The following ACSS3 variants were observed in gnomAD, a reference collection of about 807,000 sequenced individuals.
The protein encoded by ACSS3 is acyl-CoA synthetase short chain family member 3.
A neutral mutation model predicts 84.2 loss-of-function variants in ACSS3; 64 were observed. The ratio of observed to expected loss-of-function variants is 0.76; its 90% CI spans 0.62 to 0.94. The LOEUF is 0.94. ACSS3 is among the 40% of genes least tolerant of loss of function. ACSS3 has a pLI of 0.00. For synonymous variants in ACSS3, 317 were observed against 310.1 expected (o/e 1.02, Z -0.23); for missense variants, 815 against 867.6 (o/e 0.94, Z 0.76).
intron 11 of ACSS3, among the ~76,000 whole-genome samples, 185 bp downstream of exon 11, chr12:81,220,261 T>G (rs2033057752): frequency 6.6e-6 from 1 of 152,112 alleles, no homozygotes; most frequent in African/African-American, 2.4e-5. Context: ...ACGACCAATT[T>G]AAATGCAATT....
intron 9 of ACSS3, among the ~76,000 whole-genome samples, chr12:81,208,863 C>T (rs939107006): frequency 6.6e-6 from 1 of 152,104 alleles, no homozygotes; most frequent in African/African-American, 2.4e-5. Context: ...ATACATGCTG[C>T]AATTTCTATT....
Position 81,143,233 on chromosome 12 carries a change from A to G in ACSS3, c.907A>G (p.Thr303Ala), listed in dbSNP as rs931947194. Reference protein sequence around the residue: ...PLYILYTSGTTGLPKGVIRPT... With the variant: ...PLYILYTSGTAGLPKGVIRPT... Reference sequence around the variant, plus strand: ...GTATATTCTTTACACATCTGGCACAACGGGGTTACCTAAGGTACTCACTCT... The same window carrying G: ...GTATATTCTTTACACATCTGGCACAGCGGGGTTACCTAAGGTACTCACTCT... The change falls in exon 5 of 16, where the codon ACG becomes GCG. Residue 303 changes from threonine to alanine, a missense_variant. Coordinates refer to ENST00000548058, the MANE Select transcript of ACSS3 (RefSeq NM_024560.4). The G allele has an allele frequency of 1.4e-5, 22 of 1,599,314 alleles. No homozygotes were observed. Among genetic ancestry groups the G allele is most frequent in the Non-Finnish European group, 1.9e-5 (22 of 1,170,086 alleles).
Position 81,256,295 on chromosome 12 carries a change from C to A in ACSS3, c.*1373C>A, listed in dbSNP as rs1200061132. 2.0e-5 allele frequency: 3 copies of A among 152,070 alleles called. No individual in the cohort carries two copies. The highest frequency in any genetic ancestry group is 7.2e-5 in the African/African-American group (3 of 41,412). 9.4% of individuals were successfully genotyped at this position (152,070 alleles called of 1,614,324 possible). A position where few individuals can be genotyped will look rare whatever the true frequency, so the allele number is the denominator to read the frequency against. ...GAAATCTCTAATTTTAAAATAATAA[C>A]TCATTAAAAATATTGTAATGTCCAA... On this transcript the variant is annotated 3_prime_UTR_variant, in exon 16 of 16. Transcript: ENST00000548058.
intron 13 of ACSS3, among the ~76,000 whole-genome samples, chr12:81,249,618 C>A (rs2034089839): frequency 6.6e-6 from 1 of 152,040 alleles, no homozygotes; most frequent in South Asian, 2.1e-4. Flanking sequence ...CTTGCCATTT[C>A]AATTCTACCA....
chr12:81,109,551 A>C lies in ACSS3; in HGVS notation c.312-9A>C. On this transcript the variant is annotated splice_polypyrimidine_tract_variant and intron_variant, in intron 1 of 15. Transcript: ENST00000548058. ...CATCATTCACCTTTACTTTCCAATTATTTTTCAGGTTTGTGGAAGGAATGC... is the reference window on the plus strand; with the variant it reads ...CATCATTCACCTTTACTTTCCAATTCTTTTTCAGGTTTGTGGAAGGAATGC... 6.3e-7 allele frequency: 1 copy of C among 1,599,458 alleles called. No individual in the cohort carries two copies. Among genetic ancestry groups the C allele is most frequent in the Non-Finnish European group, 8.5e-7 (1 of 1,175,204 alleles).
intron 7 of ACSS3, among the ~76,000 whole-genome samples, chr12:81,154,903 C>T (rs969443423): frequency 3.3e-5 from 5 of 151,988 alleles, no homozygotes; most frequent in Non-Finnish European, 5.9e-5. Context: ...TCTTTCCTTT[C>T]TTGGTTAACT....
At chr12:81,232,697 G>A (rs183546594) in intron 12 of ACSS3, among the ~76,000 whole-genome samples, 7 of 151,800 alleles carry the variant, frequency 4.6e-5, no homozygotes, top group Non-Finnish European at 8.9e-5. Flanking sequence ...AAACACAATA[G>A]TGGCTTTCCA....
intron 2 of ACSS3, among the ~76,000 whole-genome samples, chr12:81,128,411 T>C (rs1393209966): frequency 6.6e-6 from 1 of 152,198 alleles, no homozygotes; most frequent in African/African-American, 2.4e-5. Context: ...ATACATTTTT[T>C]CATTTCCTCT....
At chr12:81,155,790 T>C (rs184378221) in intron 7 of ACSS3, among the ~76,000 whole-genome samples, 1 of 152,308 alleles carries the variant, frequency 6.6e-6, no homozygotes, top group Admixed American at 6.5e-5. Context: ...TGCCTATACA[T>C]TCCAGTTACA....
intron 2 of ACSS3, among the ~76,000 whole-genome samples, chr12:81,126,000 AG>A (rs1160709415): frequency 5.9e-5 from 9 of 152,218 alleles, no homozygotes; most frequent in Non-Finnish European, 8.8e-5. Flanking sequence ...GAATGTGGAA[AG>A]CACTTACTTT....
In ACSS3 at chr12:81,255,889, G is replaced by T. The variant is rs1016120384; in HGVS notation, c.*967G>T. ...TTCATGGAGATGAGGGCTCCTGGGA[G>T]CCCCTCTTCATGTCTCAGGTTCTTA... On this transcript the variant is annotated 3_prime_UTR_variant, in exon 16 of 16. Coordinates refer to ENST00000548058, the MANE Select transcript of ACSS3 (RefSeq NM_024560.4). The T allele has an allele frequency of 3.3e-5, 5 of 152,206 alleles. No individual in the cohort carries two copies. The highest frequency in any genetic ancestry group is 5.9e-5 in the Non-Finnish European group (4 of 68,046). The allele number at this position is 152,206 out of a possible 1,614,324, so 9.4% of individuals were successfully genotyped here. A position where few individuals can be genotyped will look rare whatever the true frequency, so the allele number is the denominator to read the frequency against.
At chr12:81,124,960 A>G (rs1003450279) in intron 2 of ACSS3, among the ~76,000 whole-genome samples, 12 of 152,212 alleles carry the variant, frequency 7.9e-5, no homozygotes, top group African/African-American at 2.9e-4. Flanking sequence ...CACGCCTGTA[A>G]TCCCAGCACT....
chr12:81,134,614 G>T (rs1003940208), intron 2 of ACSS3, among the ~76,000 whole-genome samples: 1 of 152,032 alleles, frequency 6.6e-6, no homozygotes, highest in Non-Finnish European at 1.5e-5. Flanking sequence ...ATAATAGTAG[G>T]TTGGTTTATA....
At chr12:81,173,853 C>A (rs1042325319) in intron 7 of ACSS3, among the ~76,000 whole-genome samples, 3 of 152,130 alleles carry the variant, frequency 2.0e-5, no homozygotes, top group African/African-American at 7.2e-5. Context: ...AGTAATACAT[C>A]TTAACCCTTT....
At chr12:81,084,418 T>A (rs1358400460) in intron 1 of ACSS3, among the ~76,000 whole-genome samples, 1 of 152,210 alleles carries the variant, frequency 6.6e-6, no homozygotes, top group African/African-American at 2.4e-5. Context: ...AGTGACTTTT[T>A]GGCAGCGGGA....
At chr12:81,155,736 G>A (rs1335486395) in intron 7 of ACSS3, among the ~76,000 whole-genome samples, 1 of 152,126 alleles carries the variant, frequency 6.6e-6, no homozygotes, top group Non-Finnish European at 1.5e-5. Context: ...AATATGTCAT[G>A]TTGACTTATG....
In ACSS3 at chr12:81,213,932, C is replaced by CCTTCCTTCCTTCCTTT. The variant is rs1189369982; in HGVS notation, c.1355-2966_1355-2965insCCTTCCTTCCTTTCTT. Among the ~76,000 whole-genome samples, 489 of 76,636 alleles carry CCTTCCTTCCTTCCTTT rather than the reference C, an allele frequency of 6.4e-3. 18 individuals are homozygous for CCTTCCTTCCTTCCTTT. Among genetic ancestry groups the CCTTCCTTCCTTCCTTT allele is most frequent in the East Asian group, 0.015 (42 of 2,826 alleles). The allele number at this position is 76,636 out of a possible 152,430, so 50.3% of individuals were successfully genotyped here. A position where few individuals can be genotyped will look rare whatever the true frequency, so the allele number is the denominator to read the frequency against. On this transcript the variant is annotated intron_variant, in intron 9 of 15. Transcript: ENST00000548058. Reference sequence around the variant, plus strand: ...TCCTTCCTTCCTTCCTTCCTTCCTTCCTTTCTCTCTCTCTCTCCCTCTCTC... The same window carrying CCTTCCTTCCTTCCTTT: ...TCCTTCCTTCCTTCCTTCCTTCCTTCCTTCCTTCCTTCCTTTCTTTCTCTCTCTCTCTCCCTCTCTC...
At chr12:81,177,565 CT>C (rs1463249015) in intron 8 of ACSS3, among the ~76,000 whole-genome samples, 3 of 152,106 alleles carry the variant, frequency 2.0e-5, no homozygotes, top group Non-Finnish European at 4.4e-5. Context: ...ACCTACTCAT[CT>C]GACAAAGGGC....
intron 1 of ACSS3, among the ~76,000 whole-genome samples, chr12:81,080,611 A>G (rs534092544): frequency 7.9e-5 from 12 of 152,128 alleles, no homozygotes; most frequent in Admixed American, 2.6e-4. Context: ...TAGGAGACCA[A>G]TCTTAAATTT....
Sources: allele counts gnomAD v4.1 joint callset (sites outside exome capture counted in the v4.1 genomes callset), GRCh38; gene constraint gnomAD v4.1.1; transcripts MANE v1.5; gene names NCBI Gene and HGNC (gene_info 2026-07-23, HGNC 2026-07-21).